The following SVIL variants were observed in gnomAD, a reference collection of about 807,000 sequenced individuals.
The protein encoded by SVIL is archvillin.
SVIL carries 101 observed loss-of-function variants against 240.4 expected under a neutral mutation model. That is an observed-to-expected ratio of 0.42 (90% CI 0.36 to 0.50). SVIL has a LOEUF of 0.50. Ranked by LOEUF, SVIL falls within the 20% of genes least tolerant of loss-of-function variation. The pLI is 0.01. For synonymous variants in SVIL, 999 were observed against 1,100.0 expected (o/e 0.91, Z 1.82); for missense variants, 2,512 against 2,818.7 (o/e 0.89, Z 2.46).
chr10:29,493,420 A>C, intron 20 of SVIL, 29 bp from the exon 21 acceptor site: 1 of 1,610,902 alleles, frequency 6.2e-7, no homozygotes, highest in Non-Finnish European at 8.5e-7. Context: ...AAGACATAAG[A>C]GTTTTATAAA....
intron 1 of SVIL, among the ~76,000 whole-genome samples, chr10:29,599,605 C>T (rs1214950420): frequency 1.3e-5 from 2 of 151,880 alleles, no homozygotes; most frequent in African/African-American, 2.4e-5. Flanking sequence ...TTAGTAGAGA[C>T]GGGGTTTCGC....
chr10:29,725,969 T>C (rs1417111064), intron 1 of SVIL, among the ~76,000 whole-genome samples: 3 of 152,216 alleles, frequency 2.0e-5, no homozygotes, highest in Non-Finnish European at 2.9e-5. Flanking sequence ...TGGCCCAGGC[T>C]GGAGTGCAGT....
At chr10:29,524,793 C>T in intron 13 of SVIL, 78 bp from the exon 14 acceptor site, 1 of 1,579,346 alleles carries the variant, frequency 6.3e-7, no homozygotes, top group Non-Finnish European at 8.6e-7. Flanking sequence ...TAACTTTCTG[C>T]CAAGTGTCAC....
intron 2 of SVIL, among the ~76,000 whole-genome samples, chr10:29,660,660 A>C (rs1959130640): frequency 6.6e-6 from 1 of 152,102 alleles, no homozygotes; most frequent in Non-Finnish European, 1.5e-5. Context: ...GCAGAATAGA[A>C]ACATTCTCAT....
chr10:29,509,361 G>C (rs1331917330), intron 17 of SVIL, among the ~76,000 whole-genome samples: 1 of 125,526 alleles, frequency 8.0e-6, no homozygotes, highest in East Asian at 2.0e-4. Flanking sequence ...GAGAGAGAGA[G>C]AGAGAGAGAG....
chr10:29,612,013 C>T (rs754857264), intron 1 of SVIL, among the ~76,000 whole-genome samples: 5 of 152,066 alleles, frequency 3.3e-5, no homozygotes, highest in Admixed American at 2.0e-4. Context: ...TATGCTGGCT[C>T]GTTTTTCTCC....
chr10:29,516,507 C>G (rs969697882), intron 16 of SVIL, among the ~76,000 whole-genome samples: 2 of 152,240 alleles, frequency 1.3e-5, no homozygotes, highest in African/African-American at 4.8e-5. Context: ...TCACAGCCCT[C>G]CGGCTCACCG....
chr10:29,465,798 T>A, intron 33 of SVIL, 48 bp from the exon 34 acceptor site: 1 of 1,581,336 alleles, frequency 6.3e-7, no homozygotes, highest in Admixed American at 1.8e-5. Flanking sequence ...TGCATCAAAG[T>A]AAATTCCAGA....
chr10:29,685,837 G>A (rs10218898), intron 2 of SVIL, among the ~76,000 whole-genome samples: 51 of 152,126 alleles, frequency 3.4e-4, no homozygotes, highest in African/African-American at 1.2e-3. Context: ...AGGTTTTGTT[G>A]GGTCCCTTGG....
In SVIL at chr10:29,480,546, T is replaced by C; in HGVS notation, c.5368A>G (p.Ser1790Gly). The C allele has an allele frequency of 1.2e-6, 2 of 1,612,390 alleles. No homozygotes were observed. Residue 1790 changes from serine to glycine, a missense_variant, in exon 29 of 38, where the codon AGC becomes GGC. Physicochemically the swap from Ser to Gly is moderately conservative, Grantham distance 56. Around this residue, in one of 3 missense-constraint regions of SVIL, gnomAD observed 797 missense variants for 925.3 expected, o/e 0.86. Transcript: ENST00000355867. ...AYVVKWKFMVSTAVGSRQKGE... is the reference protein window; with the variant it reads ...AYVVKWKFMVGTAVGSRQKGE... ...ACAAGCGCTCACTAACCTGCCGTGC[T>C]CACCATGAACTTCCACTTGACCACA...
intron 1 of SVIL, among the ~76,000 whole-genome samples, chr10:29,580,659 G>A (rs879916897): frequency 9.2e-5 from 14 of 152,106 alleles, no homozygotes; most frequent in African/African-American, 3.4e-4. Context: ...ACTAATTAAT[G>A]TATGTATGTA....
At chr10:29,540,828 T>G (rs896290487) in intron 6 of SVIL, among the ~76,000 whole-genome samples, 1 of 152,250 alleles carries the variant, frequency 6.6e-6, no homozygotes, top group African/African-American at 2.4e-5. Context: ...AACTACCTTC[T>G]TCCTTTGTTT....
chr10:29,601,924 T>G (rs562832547), intron 1 of SVIL, among the ~76,000 whole-genome samples: 1 of 152,336 alleles, frequency 6.6e-6, no homozygotes, highest in South Asian at 2.1e-4. Flanking sequence ...TTGATCATTA[T>G]TCAGTTTGTT....
chr10:29,731,849 C>G (rs1964638832), intron 1 of SVIL, among the ~76,000 whole-genome samples: 1 of 152,182 alleles, frequency 6.6e-6, no homozygotes. Context: ...TACAGTTGCC[C>G]CAGCAGCTGG....
At chr10:29,506,678 TATGA>T (rs1949325094) in intron 17 of SVIL, among the ~76,000 whole-genome samples, 1 of 127,096 alleles carries the variant, frequency 7.9e-6, no homozygotes, top group Non-Finnish European at 1.6e-5. Flanking sequence ...ACAGAGGCCC[TATGA>T]GGGAGGGGAC....
At chr10:29,644,007 C>G (rs537001304) in intron 3 of SVIL, 8 of 518,624 alleles carry the variant, frequency 1.5e-5, no homozygotes, top group African/African-American at 7.7e-5. Context: ...ACACCAGGCT[C>G]AGAGTCTTGA....
intron 18 of SVIL, among the ~76,000 whole-genome samples, chr10:29,496,084 CA>C (rs778773422): frequency 6.6e-6 from 1 of 152,158 alleles, no homozygotes; most frequent in Non-Finnish European, 1.5e-5. Flanking sequence ...AGAGGTTATG[CA>C]AATCACTATC....
intron 3 of SVIL, chr10:29,644,127 C>A (rs924909554): frequency 1.2e-5 from 5 of 432,150 alleles, no homozygotes; most frequent in South Asian, 3.3e-5. Context: ...ACGAACAGAA[C>A]CATGGAGGCT....
chr10:29,492,229 G>T (rs1948031703), intron 21 of SVIL, among the ~76,000 whole-genome samples: 1 of 152,066 alleles, frequency 6.6e-6, no homozygotes. Flanking sequence ...ACAGTGACTG[G>T]TTTAGGGATG....
Sources: allele counts gnomAD v4.1 joint callset (sites outside exome capture counted in the v4.1 genomes callset), GRCh38; gene constraint gnomAD v4.1.1; regional missense constraint gnomAD v4.1.1; transcripts MANE v1.5; gene names NCBI Gene and HGNC (gene_info 2026-07-23, HGNC 2026-07-21).